The following RPS13 variants were observed in gnomAD, a reference collection of about 807,000 sequenced individuals.
RPS13 encodes small ribosomal subunit protein uS15.
RPS13 carries 1 observed loss-of-function variant against 24.6 expected under a neutral mutation model. The observed-to-expected ratio is 0.04, with a 90% CI of 0.01 to 0.19. RPS13 has a LOEUF of 0.19. Ranked by LOEUF, RPS13 falls within the 10% of genes least tolerant of loss-of-function variation. The pLI is 1.00. For synonymous variants in RPS13, 69 were observed against 65.3 expected (o/e 1.06, Z -0.27); for missense variants, 88 against 187.4 (o/e 0.47, Z 3.10).
chr11:17,076,952 C>T, intron 3 of RPS13: 1 of 562,400 alleles, frequency 1.8e-6, no homozygotes, highest in Admixed American at 3.1e-5. Flanking sequence ...TCTGCTTCCT[C>T]AACTGTAAAC....
chr11:17,074,634 A>G (rs1456501732), intron 5 of RPS13, 168 bp from the exon 6 acceptor site: 3 of 717,714 alleles, frequency 4.2e-6, no homozygotes, highest in African/African-American at 3.5e-5. Context: ...ATTGTGTTCA[A>G]GCACAATGAA....
intron 2 of RPS13, 41 bp from the exon 3 acceptor site, chr11:17,077,287 G>A (rs2137239036): frequency 6.3e-7 from 1 of 1,588,722 alleles, no homozygotes; most frequent in Non-Finnish European, 8.6e-7. Context: ...GAGAACCCAG[G>A]AATGGCGCCG....
chr11:17,077,326 C>G (rs1349734961), intron 2 of RPS13, 80 bp from the exon 3 acceptor site: 16 of 1,577,276 alleles, frequency 1.0e-5, no homozygotes, highest in African/African-American at 2.7e-5. Flanking sequence ...TTCCGCAAAA[C>G]CGCGCTCCTC....
chr11:17,075,207 A>G lies in RPS13; in HGVS notation c.322-10T>C. ...ATTTAGCATCCTTATCCTAAAAATA[A>G]AATTTGGTGCAATTCAAGAAAACCA... On this transcript the variant is annotated splice_polypyrimidine_tract_variant and intron_variant, in intron 4 of 5. Transcript: ENST00000525634. 3 of 1,580,324 alleles carry G rather than the reference A, an allele frequency of 1.9e-6. No homozygotes were observed. Among genetic ancestry groups the G allele is most frequent in the Non-Finnish European group, 2.6e-6 (3 of 1,165,874 alleles).
intron 3 of RPS13, 138 bp downstream of exon 3, chr11:17,077,030 G>A (rs1418788579): frequency 3.0e-6 from 2 of 676,110 alleles, no homozygotes; most frequent in African/African-American, 1.8e-5. Context: ...CAGTACATGT[G>A]AAGTGCTTAC....
chr11:17,077,343 G>A (rs1442104392), intron 2 of RPS13, 86 bp downstream of exon 2: 4 of 1,579,280 alleles, frequency 2.5e-6, no homozygotes, highest in South Asian at 1.1e-5. Flanking sequence ...CCTCATACAC[G>A]CAAGTTCCTC....
chr11:17,074,743 G>C (rs1848000009), intron 5 of RPS13: 3 of 675,500 alleles, frequency 4.4e-6, no homozygotes, highest in East Asian at 2.9e-5. Context: ...TCATCATAGT[G>C]AGCAATTCAT....
At chr11:17,075,410 T>A (rs1848010780) in intron 4 of RPS13, 44 bp downstream of exon 4, 1 of 1,451,450 alleles carries the variant, frequency 6.9e-7, no homozygotes, top group South Asian at 1.4e-5. Flanking sequence ...AAAAATTTAG[T>A]ACAAGCAGTC....
chr11:17,075,406 T>G (rs1848010744), intron 4 of RPS13, 48 bp downstream of exon 4: 1 of 1,425,784 alleles, frequency 7.0e-7, no homozygotes, highest in African/African-American at 1.4e-5. Flanking sequence ...CCGAAAAAAT[T>G]TAGTACAAGC....
At chr11:17,075,002 T>C in intron 5 of RPS13, 95 bp downstream of exon 5, 3 of 830,802 alleles carry the variant, frequency 3.6e-6, no homozygotes, top group South Asian at 3.3e-5. Context: ...ACATATTTAC[T>C]ACTAGCCCCC....
chr11:17,074,461 G>A lies in RPS13; in HGVS notation c.428C>T (p.Ser143Leu), dbSNP rs1847994159. The A allele has an allele frequency of 6.2e-7, 1 of 1,611,194 alleles. No homozygotes were observed. Among genetic ancestry groups the A allele is most frequent in the Non-Finnish European group, 8.5e-7 (1 of 1,177,712 alleles). The change falls in exon 6 of 6, where the codon TCA becomes TTA. Residue 143 changes from serine (S) to leucine (L), a missense_variant. By Grantham distance (145) the Ser-to-Leu change is moderately radical (BLOSUM62 -2). Transcript: ENST00000525634. ...TGCGACCAGGGCAGAGGCTGTAGAT[G>A]ATTCACTGAAAAAGAAAAAAGGGGA... ...RVLPPNWKYE[S>L]STASALVA is the part of the protein sequence containing the mutation.
Position 17,077,656 on chromosome 11 carries a change from G to A in RPS13, c.-15C>T, listed in dbSNP as rs767202631. 6 of 1,613,020 alleles carry A rather than the reference G, an allele frequency of 3.7e-6. No individual in the cohort carries two copies. In the East Asian group the frequency reaches 1.3e-4, roughly 36 times the overall value. ...ATGCGACCCATGATGGCGGCGATCAGGCAACGAAAGGAGAGCGAGAGTGGA... is the reference window on the plus strand; with the variant it reads ...ATGCGACCCATGATGGCGGCGATCAAGCAACGAAAGGAGAGCGAGAGTGGA... On this transcript the variant is annotated 5_prime_UTR_variant, in exon 1 of 6. Transcript: ENST00000525634.
intron 3 of RPS13, 163 bp from the exon 4 acceptor site, chr11:17,075,786 G>A (rs760673449): frequency 3.4e-5 from 24 of 701,382 alleles, no homozygotes; most frequent in Non-Finnish European, 5.9e-5. Flanking sequence ...AGCTCACTCA[G>A]ACATCCAAGG....
chr11:17,076,850 A>T, intron 3 of RPS13: 1 of 447,282 alleles, frequency 2.2e-6, no homozygotes, highest in Non-Finnish European at 4.1e-6. Context: ...AACTGTGAGG[A>T]ACTGTGTCAG....
intron 2 of RPS13, 86 bp downstream of exon 2, chr11:17,077,343 G>GC (rs1381405648): frequency 2.3e-5 from 36 of 1,579,162 alleles, no homozygotes; most frequent in South Asian, 3.3e-5. Context: ...CCTCATACAC[G>GC]CAAGTTCCTC....
chr11:17,076,429 G>A (rs566731830), intron 3 of RPS13: 6 of 289,336 alleles, frequency 2.1e-5, no homozygotes, highest in East Asian at 1.3e-4. Context: ...GCTGGCGGGC[G>A]CCTGTAATCC....
chr11:17,074,395 T>C lies in RPS13; in HGVS notation c.*38A>G. 8 of 1,509,860 alleles carry C rather than the reference T, an allele frequency of 5.3e-6. No homozygotes were observed. The highest frequency in any genetic ancestry group is 7.4e-6 in the Non-Finnish European group (8 of 1,086,004). 93.5% of individuals were successfully genotyped at this position (1,509,860 alleles called of 1,614,324 possible). On this transcript the variant is annotated 3_prime_UTR_variant, in exon 6 of 6. Coordinates refer to ENST00000525634, the MANE Select transcript of RPS13 (RefSeq NM_001017.3). Reference sequence around the variant, plus strand: ...AAATAAATATGAAACATGCTTTTAGTTAAACAATCATTTTATTGCTTGAGT... The same window carrying C: ...AAATAAATATGAAACATGCTTTTAGCTAAACAATCATTTTATTGCTTGAGT...
intron 4 of RPS13, 52 bp from the exon 5 acceptor site, chr11:17,075,249 A>G (rs1807936113): frequency 1.6e-6 from 2 of 1,236,712 alleles, no homozygotes; most frequent in Non-Finnish European, 1.2e-6. Flanking sequence ...ATGACCTAAC[A>G]TTATCAAACA....
At chr11:17,077,349 T>C (rs1848037154) in intron 2 of RPS13, 80 bp downstream of exon 2, 1 of 1,582,338 alleles carries the variant, frequency 6.3e-7, no homozygotes, top group Non-Finnish European at 8.7e-7. Context: ...ACACGCAAGT[T>C]CCTCACCCTG....
Sources: gnomAD v4.1 joint callset for allele counts on GRCh38, gnomAD v4.1.1 for gene constraint, MANE v1.5 for transcripts, NCBI Gene and HGNC (gene_info 2026-07-23, HGNC 2026-07-21) for gene names.